TMEM268: variants seen among roughly 807,000 people sequenced by gnomAD.
TMEM268 encodes the protein transmembrane protein 268.
A neutral mutation model predicts 39.1 loss-of-function variants in TMEM268; 24 were observed. That is an observed-to-expected ratio of 0.61 (90% CI 0.44 to 0.86). The LOEUF is 0.86. TMEM268 is among the 40% of genes least tolerant of loss of function. The pLI is 0.00. For synonymous variants in TMEM268, 176 were observed against 173.5 expected (o/e 1.01, Z -0.12); for missense variants, 409 against 428.6 (o/e 0.95, Z 0.40).
intron 6 of TMEM268, 108 bp from the exon 7 acceptor site, chr9:114,636,882 T>C: frequency 1.4e-6 from 1 of 695,010 alleles, no homozygotes; most frequent in South Asian, 1.8e-5. Flanking sequence ...TGGTGCCAAA[T>C]GGCACCTTCC....
At chr9:114,624,608 CT>C in intron 3 of TMEM268, 149 bp downstream of exon 3, 1 of 1,299,660 alleles carries the variant, frequency 7.7e-7, no homozygotes. Context: ...GAAGTGCCCT[CT>C]CTTTCCTCTC....
upstream of TMEM268, among the ~76,000 whole-genome samples, chr9:114,607,647 C>A (rs1251647560): frequency 1.3e-5 from 2 of 151,780 alleles, no homozygotes; most frequent in Non-Finnish European, 2.9e-5. Context: ...AGAGTGAGAC[C>A]CTGTCTCAAA....
intron 4 of TMEM268, 34 bp downstream of exon 4, chr9:114,627,040 C>T (rs747315485): frequency 1.4e-6 from 2 of 1,459,132 alleles, no homozygotes; most frequent in Non-Finnish European, 1.9e-6. Flanking sequence ...CTGACCCTGC[C>T]CTGACAGCTT....
chr9:114,618,622 C>T (rs1845826761), intron 2 of TMEM268, among the ~76,000 whole-genome samples: 1 of 151,872 alleles, frequency 6.6e-6, no homozygotes, highest in Admixed American at 6.6e-5. Context: ...GAGATCACAC[C>T]ACTGGACTCC....
At chr9:114,625,944 A>T (rs921903913) in intron 3 of TMEM268, among the ~76,000 whole-genome samples, 2 of 151,740 alleles carry the variant, frequency 1.3e-5, no homozygotes, top group African/African-American at 4.8e-5. Context: ...CTCCTGCCTC[A>T]GCCTCCCGAG....
At position 114,638,667 on chromosome 9, in the gene TMEM268, A is replaced by G. The variant is rs150589962; in HGVS notation, c.790A>G (p.Asn264Asp). Residue 264 changes from asparagine to aspartate, a missense_variant, in exon 8 of 9, where the codon AAC (asparagine) becomes GAC (aspartate). Asn to Asp is a conservative substitution (Grantham distance 23). Transcript: ENST00000288502. ...TCTCCTGCCCGGCAATTCTTGTCCT[A>G]ACGAGAGGCCACTCATGCAGACTGA... ...APLLPGNSCP[N>D]ERPLMQTELH... 710 of 1,607,686 alleles carry G rather than the reference A, an allele frequency of 4.4e-4. 3 individuals are homozygous for G. In the African/African-American group the frequency reaches 8.6e-3, roughly 19 times the overall value.
At chr9:114,636,496 TTTTCTTTTC>T (rs1004787147) in intron 6 of TMEM268, among the ~76,000 whole-genome samples, 112 of 144,928 alleles carry the variant, frequency 7.7e-4, no homozygotes, top group African/African-American at 3.0e-3. Flanking sequence ...TTTTCTTTTC[TTTTCTTTTC>T]TTTCTTTTCT....
At chr9:114,609,735 G>GAAA (rs1845422129), upstream of TMEM268, among the ~76,000 whole-genome samples, 1 of 78,672 alleles carries the variant, frequency 1.3e-5, no homozygotes, top group African/African-American at 6.5e-5. Flanking sequence ...GAAAAAGAAG[G>GAAA]AAGGAAGGAA....
chr9:114,616,000 T>C (rs1564284102), intron 1 of TMEM268, among the ~76,000 whole-genome samples: 2 of 148,068 alleles, frequency 1.4e-5, no homozygotes, highest in Non-Finnish European at 3.0e-5. Flanking sequence ...CCTACTTTTC[T>C]TTTTCTTTTT....
intron 5 of TMEM268, 94 bp from the exon 6 acceptor site, chr9:114,633,674 T>C (rs1846502018): frequency 1.7e-6 from 1 of 598,076 alleles, no homozygotes; most frequent in African/African-American, 1.9e-5. Flanking sequence ...TCCCTTGGCA[T>C]CTGGGGGTGG....
In TMEM268 at chr9:114,627,025, G is replaced by A. The variant is rs368743512; in HGVS notation, c.324+19G>A. The A allele has an allele frequency of 5.2e-6, 8 of 1,533,870 alleles. No individual in the cohort carries two copies. Among genetic ancestry groups the A allele is most frequent in the African/African-American group, 1.4e-5 (1 of 73,376 alleles). On this transcript the variant is annotated intron_variant, in intron 4 of 8. Transcript: ENST00000288502. ...TGCTGTGGTAAGGGGGAGGTGGCCCGCACACTGACCCTGCCCTGACAGCTT... is the reference window on the plus strand; with the variant it reads ...TGCTGTGGTAAGGGGGAGGTGGCCCACACACTGACCCTGCCCTGACAGCTT...
chr9:114,619,014 A>T (rs923465324), intron 2 of TMEM268, among the ~76,000 whole-genome samples: 2 of 152,178 alleles, frequency 1.3e-5, no homozygotes, highest in African/African-American at 4.8e-5. Context: ...AGCATCCAGA[A>T]TTGTGGGGGC....
At chr9:114,620,362 A>G (rs1055874791) in intron 2 of TMEM268, among the ~76,000 whole-genome samples, 1 of 151,970 alleles carries the variant, frequency 6.6e-6, no homozygotes, top group Non-Finnish European at 1.5e-5. Flanking sequence ...CTCCTACCCT[A>G]GTCTCCCGAG....
rs1263981366 is a variant in TMEM268 at position 114,637,010 on chromosome 9, C to A, written c.606C>A (p.Asp202Glu). The A allele has an allele frequency of 6.2e-7, 1 of 1,613,338 alleles. No homozygotes were observed. The highest frequency in any genetic ancestry group is 8.5e-7 in the Non-Finnish European group (1 of 1,179,438). ...SVIQLWFVYF[D>E]LENCVQFLSD... ...CACAGCTTTGGTTTGTCTACTTCGACCTGGAGAACTGTGTGCAGTTTTTGT... is the reference window on the plus strand; with the variant it reads ...CACAGCTTTGGTTTGTCTACTTCGAACTGGAGAACTGTGTGCAGTTTTTGT... The change falls in exon 7 of 9, where the codon GAC (aspartate) becomes GAA (glutamate). Residue 202 changes from aspartate to glutamate, a missense_variant. Coordinates refer to ENST00000288502, the MANE Select transcript of TMEM268 (RefSeq NM_153045.4).
chr9:114,605,754 C>T, the TMEM268 span, among the ~76,000 whole-genome samples: 1 of 151,900 alleles, frequency 6.6e-6, no homozygotes, highest in Non-Finnish European at 1.5e-5. Flanking sequence ...AACCCTGTCT[C>T]TACAAAAAAT....
At chr9:114,604,364 GGCCAGGA>G in the TMEM268 span, among the ~76,000 whole-genome samples, 4 of 105,778 alleles carry the variant, frequency 3.8e-5, no homozygotes, top group Admixed American at 9.4e-5. Flanking sequence ...GATCATTTGA[GGCCAGGA>G]GTTCGAGACG....
intron 7 of TMEM268, 67 bp from the exon 8 acceptor site, chr9:114,638,477 G>A: frequency 8.0e-7 from 1 of 1,249,850 alleles, no homozygotes; most frequent in Non-Finnish European, 1.1e-6. Flanking sequence ...AGCTTGGGGA[G>A]GGACTCAGCC....
upstream of TMEM268, among the ~76,000 whole-genome samples, chr9:114,610,394 A>C (rs982302504): frequency 6.6e-6 from 1 of 152,206 alleles, no homozygotes; most frequent in Non-Finnish European, 1.5e-5. Context: ...CCTAATATTA[A>C]TATAGGGACG....
intron 8 of TMEM268, among the ~76,000 whole-genome samples, chr9:114,640,197 C>G (rs1409545172): frequency 1.3e-5 from 2 of 151,262 alleles, no homozygotes; most frequent in African/African-American, 4.9e-5. Flanking sequence ...TGCAATAGCC[C>G]TTTAAATATG....
Sources: allele counts gnomAD v4.1 joint callset (sites outside exome capture counted in the v4.1 genomes callset), GRCh38; gene constraint gnomAD v4.1.1; transcripts MANE v1.5; gene names NCBI Gene and HGNC (gene_info 2026-07-23, HGNC 2026-07-21).